ATRNL1: variants seen among roughly 807,000 people sequenced by gnomAD.
ATRNL1 encodes the protein attractin-like protein 1.
Under a neutral mutation model 182.7 loss-of-function variants are expected in ATRNL1, and 95 were observed. That is an observed-to-expected ratio of 0.52 (90% confidence interval 0.44 to 0.62). The LOEUF is 0.62. Among genes scored for constraint, ATRNL1 ranks in the 20% least tolerant of loss-of-function variants. The probability of loss-of-function intolerance (pLI) is 0.00; values close to 1 mark genes in which losing one functional copy is unlikely to be tolerated. For synonymous variants in ATRNL1, 576 were observed against 568.3 expected (o/e 1.01, Z -0.19); for missense variants, 1,471 against 1,679.5 (o/e 0.88, Z 2.17).
At chr10:115,890,948 T>G (rs781888054) in intron 28 of ATRNL1, among the ~76,000 whole-genome samples, 2 of 152,176 alleles carry the variant, frequency 1.3e-5, no homozygotes, top group Non-Finnish European at 2.9e-5. Flanking sequence ...ATGGTACCTT[T>G]TACTGCAGAT....
At position 115,437,904 on chromosome 10, in the gene ATRNL1, C is replaced by T. The variant is rs187890764; in HGVS notation, c.3322+11602C>T. Among the ~76,000 whole-genome samples, 871 of 151,952 alleles carry T rather than the reference C, an allele frequency of 5.7e-3. 9 individuals are homozygous for T. Among genetic ancestry groups the T allele is most frequent in the African/African-American group, 0.02 (831 of 41,514 alleles). On this transcript the variant is annotated intron_variant, in intron 21 of 28. Transcript: ENST00000355044. ...TCACAGAGCAGTCCTATGACATAGG[C>T]GGTTTTATCCCTGTTGTACCATTGG...
chr10:115,174,250 T>C (rs1847408084), intron 8 of ATRNL1, among the ~76,000 whole-genome samples: 1 of 151,860 alleles, frequency 6.6e-6, no homozygotes, highest in Non-Finnish European at 1.5e-5. Context: ...TTTCTTTTCC[T>C]TTCACTTCAT....
At chr10:115,779,850 C>A (rs1231650891) in intron 27 of ATRNL1, among the ~76,000 whole-genome samples, 1 of 152,108 alleles carries the variant, frequency 6.6e-6, no homozygotes, top group African/African-American at 2.4e-5. Flanking sequence ...TAGTATGAAA[C>A]ATATTGTCTT....
Position 115,315,635 on chromosome 10 carries a change from G to A in ATRNL1, c.2936G>A (p.Gly979Glu). 1 of 1,613,866 alleles carries A rather than the reference G, an allele frequency of 6.2e-7. No homozygotes were observed. Among genetic ancestry groups the A allele is most frequent in the Non-Finnish European group, 8.5e-7 (1 of 1,179,896 alleles). Reference sequence around the variant, plus strand: ...CATTGCATTGAAGGTTCTTCACGGGGACCAATGAAGCTTATTGGAATGCAC... The same window carrying A: ...CATTGCATTGAAGGTTCTTCACGGGAACCAATGAAGCTTATTGGAATGCAC... The part of the protein sequence containing the change: ...RGHCIEGSSR[G>E]PMKLIGMHHS... The change falls in exon 18 of 29, where the codon GGA becomes GAA. Residue 979 changes from glycine (G) to glutamate (E), a missense_variant. Around this residue, in one of 3 missense-constraint regions of ATRNL1, gnomAD observed 437 missense variants for 506.0 expected, o/e 0.86. Transcript: ENST00000355044.
chr10:115,739,175 T>C (rs1377514674), intron 27 of ATRNL1, among the ~76,000 whole-genome samples: 1 of 152,172 alleles, frequency 6.6e-6, no homozygotes, highest in African/African-American at 2.4e-5. Flanking sequence ...AACATTTGGA[T>C]GTACAAAAGG....
intron 19 of ATRNL1, among the ~76,000 whole-genome samples, chr10:115,362,495 C>A (rs944288797): frequency 6.7e-6 from 1 of 149,532 alleles, no homozygotes; most frequent in Non-Finnish European, 1.5e-5. Flanking sequence ...ATCTGCTCAG[C>A]GGTTTACAAG....
At chr10:115,560,994 A>G (rs952411390) in intron 26 of ATRNL1, among the ~76,000 whole-genome samples, 2 of 152,338 alleles carry the variant, frequency 1.3e-5, no homozygotes, top group East Asian at 3.9e-4. Context: ...ATCACCATAC[A>G]CAAATAAAGT....
intron 27 of ATRNL1, among the ~76,000 whole-genome samples, chr10:115,752,820 C>T (rs1271745889): frequency 2.0e-5 from 3 of 151,976 alleles, no homozygotes; most frequent in African/African-American, 7.2e-5. Flanking sequence ...TATATTTATG[C>T]CTAGTATTTT....
intron 28 of ATRNL1, among the ~76,000 whole-genome samples, chr10:115,856,749 C>A (rs1337125830): frequency 2.0e-5 from 3 of 152,080 alleles, no homozygotes; most frequent in Non-Finnish European, 2.9e-5. Flanking sequence ...TCCGCTGATC[C>A]GACAGGAGGC....
chr10:115,102,716 A>G (rs1270654), intron 1 of ATRNL1, among the ~76,000 whole-genome samples: 52,825 of 152,026 alleles, frequency 0.35, 9,568 homozygotes, highest in African/African-American at 0.43. Context: ...CAAAATGCTA[A>G]GATTAGTATA....
intron 1 of ATRNL1, among the ~76,000 whole-genome samples, chr10:115,098,289 G>T (rs920022655): frequency 3.3e-5 from 5 of 151,884 alleles, no homozygotes; most frequent in African/African-American, 4.8e-5. Flanking sequence ...TTAGACTCAG[G>T]CCTCCTTTCC....
intron 26 of ATRNL1, among the ~76,000 whole-genome samples, chr10:115,713,853 C>T (rs1157288601): frequency 7.2e-5 from 11 of 152,018 alleles, no homozygotes; most frequent in African/African-American, 2.7e-4. Flanking sequence ...TCTCAGTTGC[C>T]CCAAGTTTGG....
intron 26 of ATRNL1, among the ~76,000 whole-genome samples, chr10:115,626,990 T>G (rs1437832589): frequency 6.6e-6 from 1 of 152,304 alleles, no homozygotes; most frequent in Admixed American, 6.5e-5. Flanking sequence ...ATGATAGAAA[T>G]ATAATTAGGC....
chr10:115,212,852 G>A (rs1849085301), intron 8 of ATRNL1, among the ~76,000 whole-genome samples: 1 of 151,958 alleles, frequency 6.6e-6, no homozygotes, highest in African/African-American at 2.4e-5. Flanking sequence ...TATTGGAGGT[G>A]AATTGTGGAA....
intron 24 of ATRNL1, among the ~76,000 whole-genome samples, chr10:115,484,712 TGTCTTCTGAGGAATA>T (rs1281551772): frequency 6.6e-6 from 1 of 151,846 alleles, no homozygotes; most frequent in Non-Finnish European, 1.5e-5. Context: ...TGCCTGTAGT[TGTCTTCTGAGGAATA>T]CTACAAATTT....
chr10:115,912,407 T>G (rs535114300), intron 28 of ATRNL1, among the ~76,000 whole-genome samples: 1 of 74,844 alleles, frequency 1.3e-5, no homozygotes, highest in Non-Finnish European at 2.5e-5. Context: ...TACATATATA[T>G]ATATATATTT....
chr10:115,244,944 A>G (rs181980724), intron 10 of ATRNL1, among the ~76,000 whole-genome samples: 1 of 152,328 alleles, frequency 6.6e-6, no homozygotes, highest in Admixed American at 6.5e-5. Flanking sequence ...TTGTATAAGA[A>G]CTATATCTTG....
chr10:115,891,867 G>T (rs1345940375), intron 28 of ATRNL1, among the ~76,000 whole-genome samples: 1 of 151,968 alleles, frequency 6.6e-6, no homozygotes, highest in African/African-American at 2.4e-5. Flanking sequence ...CAACAATCTT[G>T]TATATTCTAA....
intron 27 of ATRNL1, among the ~76,000 whole-genome samples, chr10:115,831,493 G>A (rs1189214841): frequency 3.3e-5 from 5 of 152,086 alleles, no homozygotes; most frequent in Admixed American, 3.3e-4. Flanking sequence ...GCCCACCTGA[G>A]CTCATGAGAA....
Sources: gnomAD v4.1 joint callset for allele counts (sites outside exome capture counted in the v4.1 genomes callset) on GRCh38, gnomAD v4.1.1 for gene constraint, gnomAD v4.1.1 regional missense constraint, MANE v1.5 for transcripts, NCBI Gene and HGNC (gene_info 2026-07-23, HGNC 2026-07-21) for gene names.